Variants in ZNF626 observed in about 807,000 individuals in gnomAD.
The protein encoded by ZNF626 is CTC-513N18.7.
A neutral mutation model predicts 11.7 loss-of-function variants in ZNF626; 4 were observed. The observed-to-expected ratio is 0.34, with a 90% confidence interval of 0.17 to 0.78. The LOEUF (loss-of-function observed/expected upper bound fraction) is 0.78. ZNF626 is among the 30% of genes least tolerant of loss of function. The pLI is 0.57. For missense variants in ZNF626, 588 were observed against 587.1 expected, an observed-to-expected ratio of 1.00 and a Z score of -0.01; for synonymous variants, 179 against 198.6, an observed-to-expected ratio of 0.90 and a Z score of 0.83.
chr19:20,661,210 G>A (rs923943551), intron 1 of ZNF626, among the ~76,000 whole-genome samples: 1 of 152,146 alleles, frequency 6.6e-6, no homozygotes, highest in Non-Finnish European at 1.5e-5. Context: ...TGCCCAGAGA[G>A]GGCTCCAGGC....
intron 3 of ZNF626, among the ~76,000 whole-genome samples, chr19:20,628,194 G>C (rs1969862585): frequency 6.6e-6 from 1 of 152,282 alleles, no homozygotes; most frequent in Admixed American, 6.5e-5. Context: ...GGACATTTAG[G>C]TTGGTTCCAA....
chr19:20,659,997 G>A (rs1568463493), intron 1 of ZNF626, among the ~76,000 whole-genome samples: 1 of 151,934 alleles, frequency 6.6e-6, no homozygotes, highest in Non-Finnish European at 1.5e-5. Flanking sequence ...GGCCGGGTGC[G>A]GTGGCTCACA....
chr19:20,635,862 G>C (rs1357479495), intron 3 of ZNF626, among the ~76,000 whole-genome samples: 2 of 152,214 alleles, frequency 1.3e-5, no homozygotes, highest in African/African-American at 4.8e-5. Context: ...GCCAGGCGAA[G>C]TGGCTCATGC....
At chr19:20,644,852 G>C (rs2144783051) in intron 3 of ZNF626, 1 of 152,006 alleles carries the variant, frequency 6.6e-6, no homozygotes, top group Admixed American at 6.6e-5. Context: ...ACAAAATAGA[G>C]GAAGAAAATT....
intron 3 of ZNF626, among the ~76,000 whole-genome samples, chr19:20,629,364 A>G (rs1969876698): frequency 6.6e-6 from 1 of 152,142 alleles, no homozygotes; most frequent in African/African-American, 2.4e-5. Flanking sequence ...TCTATAAATT[A>G]CCCTGGGCTG....
At position 20,625,590 on chromosome 19, in the gene ZNF626, TG is replaced by T; in HGVS notation, c.286del (p.Gln96LysfsTer5). 1 of 1,601,998 alleles carries T rather than the reference TG, an allele frequency of 6.2e-7. No homozygotes were observed. The highest frequency in any genetic ancestry group is 8.5e-7 in the Non-Finnish European group (1 of 1,175,158). On this transcript the variant is annotated frameshift_variant, in exon 4 of 4. Transcript: ENST00000601440. LOFTEE classifies it low-confidence loss of function (END_TRUNC). ...TTCATATCTTCTCAGTACCACTTTT[TG>T]GAAAGAATCTTTCATGCTCTGCTCT... ...WPEQSMKDSF[Q>X]KVVLRRYEKC...
At position 20,624,960 on chromosome 19, in the gene ZNF626, ATTATC is replaced by A. The variant is rs782055537; in HGVS notation, c.912_916del (p.Lys304AsnfsTer11). 1.7e-5 allele frequency: 28 copies of A among 1,613,610 alleles called. No homozygotes were observed. The Middle Eastern group carries it at 6.6e-4, about 38-fold the overall frequency. ...TTTGTAGGGTTTTTCTCCAGTATGAATTATCTTATGTGTAGTAAGGGTTGAGGACC... is the reference window on the plus strand; with the variant it reads ...TTTGTAGGGTTTTTCTCCAGTATGAATTATGTGTAGTAAGGGTTGAGGACC... On this transcript the variant is annotated frameshift_variant, in exon 4 of 4. Transcript: ENST00000601440. LOFTEE classifies it low-confidence loss of function (END_TRUNC).
chr19:20,643,207 A>G (rs1378671212), intron 3 of ZNF626, among the ~76,000 whole-genome samples: 2 of 152,118 alleles, frequency 1.3e-5, no homozygotes, highest in Non-Finnish European at 2.9e-5. Context: ...GTTTCTTTTT[A>G]TGTTTTAAAT....
At chr19:20,650,070 C>A (rs899819578) in intron 1 of ZNF626, among the ~76,000 whole-genome samples, 3 of 152,084 alleles carry the variant, frequency 2.0e-5, no homozygotes, top group African/African-American at 7.2e-5. Context: ...GTTTATTAAG[C>A]AGGTACTATG....
chr19:20,628,257 T>C (rs538537804), intron 3 of ZNF626, among the ~76,000 whole-genome samples: 60 of 152,240 alleles, frequency 3.9e-4, no homozygotes, highest in Non-Finnish European at 7.1e-4. Context: ...CATGTGTCTT[T>C]ATAGCAGCAT....
intron 1 of ZNF626, among the ~76,000 whole-genome samples, chr19:20,656,370 T>G (rs947543189): frequency 1.3e-5 from 2 of 152,022 alleles, no homozygotes; most frequent in Non-Finnish European, 2.9e-5. Flanking sequence ...ATTCTAGATA[T>G]AGACACTGGC....
chr19:20,634,250 CAA>C lies in ZNF626; in HGVS notation c.227-8602_227-8601del, dbSNP rs1339769249. Among the ~76,000 whole-genome samples, 8 of 152,000 alleles carry C rather than the reference CAA, an allele frequency of 5.3e-5. No individual in the cohort carries two copies. The South Asian group carries it at 6.2e-4, about 12-fold the overall frequency. On this transcript the variant is annotated intron_variant, in intron 3 of 3. Coordinates refer to ENST00000601440, the MANE Select transcript of ZNF626 (RefSeq NM_001076675.3). ...CAATACTCCACTTTCTGTAATAAAA[CAA>C]GAGAGAATATTAGTAAGGAAACAGA... is the stretch of plus-strand genomic sequence containing the variant.
intron 3 of ZNF626, among the ~76,000 whole-genome samples, chr19:20,640,345 T>TC (rs35633577): frequency 0.45 from 67,008 of 149,910 alleles, 16,223 homozygotes; most frequent in African/African-American, 0.63. Context: ...ATGACACTGG[T>TC]TTGGCACAAT....
chr19:20,637,865 A>G (rs1599479196), intron 3 of ZNF626, among the ~76,000 whole-genome samples: 1 of 152,260 alleles, frequency 6.6e-6, no homozygotes, highest in East Asian at 1.9e-4. Flanking sequence ...TAATTAAACT[A>G]CTTAATAAAA....
rs533549814 is a variant in ZNF626 at position 20,638,603 on chromosome 19, C to G, written c.226+7081G>C. Among the ~76,000 whole-genome samples, 137 of 151,862 alleles carry G rather than the reference C, an allele frequency of 9.0e-4. 1 individual carries two copies. Among genetic ancestry groups the G allele is most frequent in the African/African-American group, 3.2e-3 (133 of 41,444 alleles). Reference sequence around the variant, plus strand: ...AACGTATATTCCATGAAAATAGTAACCACAATTGAGTGGGGTAGTCATAAT... The same window carrying G: ...AACGTATATTCCATGAAAATAGTAAGCACAATTGAGTGGGGTAGTCATAAT... On this transcript the variant is annotated intron_variant, in intron 3 of 3. Coordinates refer to ENST00000601440, the MANE Select transcript of ZNF626 (RefSeq NM_001076675.3).
At chr19:20,636,803 C>T (rs1358103965) in intron 3 of ZNF626, among the ~76,000 whole-genome samples, 1 of 152,144 alleles carries the variant, frequency 6.6e-6, no homozygotes, top group Non-Finnish European at 1.5e-5. Flanking sequence ...GGTGGATTGT[C>T]TGAGGTCAGG....
intron 3 of ZNF626, among the ~76,000 whole-genome samples, chr19:20,634,885 A>G (rs1969950299): frequency 6.6e-6 from 1 of 152,238 alleles, no homozygotes; most frequent in Admixed American, 6.5e-5. Flanking sequence ...AATTAAAACA[A>G]TTTGGTATGA....
Position 20,631,292 on chromosome 19 carries a change from T to G in ZNF626, c.227-5642A>C, listed in dbSNP as rs8104203. Among the ~76,000 whole-genome samples the G allele has an allele frequency of 4.0e-5, 6 of 151,420 alleles. No homozygotes were observed. In the South Asian group the frequency reaches 1.2e-3, roughly 31 times the overall value. ...AGTTCTATAAATGTCTATTAGGTCC[T>G]CTTGGTGCAGAGCTGAGTTCAATTC... On this transcript the variant is annotated intron_variant, in intron 3 of 3. Coordinates refer to ENST00000601440, the MANE Select transcript of ZNF626 (RefSeq NM_001076675.3).
intron 3 of ZNF626, among the ~76,000 whole-genome samples, chr19:20,640,980 C>CA (rs1270898343): frequency 6.6e-6 from 1 of 151,786 alleles, no homozygotes; most frequent in Non-Finnish European, 1.5e-5. Context: ...ACTAAAAATA[C>CA]AAAAAACTAG....
Sources: allele counts gnomAD v4.1 joint callset (sites outside exome capture counted in the v4.1 genomes callset), GRCh38; gene constraint gnomAD v4.1.1; transcripts MANE v1.5; gene names NCBI Gene and HGNC (gene_info 2026-07-23, HGNC 2026-07-21).